PCDHGB4: variants seen among roughly 807,000 people sequenced by gnomAD.
The protein encoded by PCDHGB4 is protocadherin gamma subfamily B, 4, also known as protocadherin gamma-B4.
A neutral mutation model predicts 60.5 loss-of-function variants in PCDHGB4; 38 were observed. The observed-to-expected ratio is 0.63, with a 90% CI of 0.48 to 0.82. The LOEUF (loss-of-function observed/expected upper bound fraction) is 0.82, where lower values mean the gene tolerates loss of function less well. Among genes scored for constraint, PCDHGB4 ranks in the 40% least tolerant of loss-of-function variants. The pLI is 0.00. For synonymous variants in PCDHGB4, 456 were observed against 509.7 expected (o/e 0.89, Z 1.42); for missense variants, 1,109 against 1,209.6 (o/e 0.92, Z 1.23).
intron 1 of PCDHGB4, chr5:141,394,844 T>C (rs2093111751): frequency 6.2e-7 from 1 of 1,613,752 alleles, no homozygotes. Context: ...AGTTGGGCAG[T>C]CTGAAGCCTT....
intron 1 of PCDHGB4, chr5:141,407,873 A>G (rs561323423): frequency 2.0e-5 from 7 of 354,686 alleles, no homozygotes; most frequent in African/African-American, 1.3e-4. Context: ...CGAAGAATAT[A>G]TACATTTCGG....
Position 141,431,132 on chromosome 5 carries a change from G to A in PCDHGB4, c.2397+40851G>A. On this transcript the variant is annotated intron_variant, in intron 1 of 3. Coordinates refer to ENST00000519479, the MANE Select transcript of PCDHGB4 (RefSeq NM_003736.4). This position sits in a 1 kb window ranked among gnomAD's most constrained non-coding sequence, Gnocchi z 4.8. ...ATATGGAGTAGAAGTAGAAGTAAGGGACATTAACGACAATGCGCCTTACTT... is the reference window on the plus strand; with the variant it reads ...ATATGGAGTAGAAGTAGAAGTAAGGAACATTAACGACAATGCGCCTTACTT... 2 of 1,614,232 alleles carry A rather than the reference G, an allele frequency of 1.2e-6. No individual in the cohort carries two copies. The highest frequency in any genetic ancestry group is 8.5e-7 in the Non-Finnish European group (1 of 1,180,024).
At chr5:141,403,266 A>G in intron 1 of PCDHGB4, 11 of 1,613,858 alleles carry the variant, frequency 6.8e-6, no homozygotes, top group Non-Finnish European at 9.3e-6. Context: ...TGTCTGGTGA[A>G]CTTTAAAGTC....
intron 1 of PCDHGB4, among the ~76,000 whole-genome samples, chr5:141,430,388 A>G (rs2097280501): frequency 6.6e-6 from 1 of 152,106 alleles, no homozygotes; most frequent in Non-Finnish European, 1.5e-5. Flanking sequence ...ATTGGGAAAA[A>G]AAAAAAAAGC....
chr5:141,426,887 G>A (rs1309180455), intron 1 of PCDHGB4: 1 of 456,646 alleles, frequency 2.2e-6, no homozygotes, highest in Non-Finnish European at 4.4e-6. Context: ...TGGGCCAGGA[G>A]CAACAGAGCT....
chr5:141,387,761 A>C lies in PCDHGB4; in HGVS notation c.-124A>C, dbSNP rs539874780. The C allele has an allele frequency of 9.8e-5, 139 of 1,420,618 alleles. 1 individual carries two copies. The African/African-American group carries it at 1.7e-3, about 17-fold the overall frequency. The allele number at this position is 1,420,618 out of a possible 1,614,324, so 88.0% of individuals were successfully genotyped here. A position where few individuals can be genotyped will look rare whatever the true frequency, so the allele number is the denominator to read the frequency against. On this transcript the variant is annotated 5_prime_UTR_variant, in exon 1 of 4. Transcript: ENST00000519479. ...ACACCGCTTCCTCCTCGGAAAAAGA[A>C]GAATTTTTTCTTGAACTGGAACTGC...
chr5:141,432,569 C>T lies in PCDHGB4; in HGVS notation c.2397+42288C>T. The T allele has an allele frequency of 6.2e-7, 1 of 1,613,920 alleles. No homozygotes were observed. On this transcript the variant is annotated intron_variant, in intron 1 of 3. Coordinates refer to ENST00000519479, the MANE Select transcript of PCDHGB4 (RefSeq NM_003736.4). This position sits in a 1 kb window ranked among gnomAD's most constrained non-coding sequence, Gnocchi z 6.0. ...CAGAGACTCCGGCCAGAACGCCTGG[C>T]TGTCCTACCGTCTGCTCAAGGCCAG...
intron 3 of PCDHGB4, 152 bp from the exon 4 acceptor site, chr5:141,510,795 G>C (rs994874330): frequency 9.3e-5 from 136 of 1,465,100 alleles, no homozygotes; most frequent in Admixed American, 1.7e-4. Flanking sequence ...CTTGTGAAGA[G>C]AGACTACCTT....
intron 1 of PCDHGB4, chr5:141,419,137 CAG>C (rs1561778402): frequency 1.2e-6 from 2 of 1,613,892 alleles, no homozygotes; most frequent in South Asian, 1.1e-5. Context: ...CAGCCACAGA[CAG>C]GGGCAAGCCT....
intron 1 of PCDHGB4, chr5:141,419,005 C>G: frequency 6.2e-7 from 1 of 1,613,944 alleles, no homozygotes; most frequent in Non-Finnish European, 8.5e-7. Context: ...ATGGGGAAGT[C>G]AGGTGTAGCT....
intron 2 of PCDHGB4, among the ~76,000 whole-genome samples, chr5:141,497,552 T>C (rs2099777669): frequency 6.6e-6 from 1 of 151,386 alleles, no homozygotes; most frequent in Non-Finnish European, 1.5e-5. Context: ...TTTTTTTTTT[T>C]TTTTTTAGAC....
chr5:141,400,611 G>T (rs555600694), intron 1 of PCDHGB4: 1 of 1,573,002 alleles, frequency 6.4e-7, no homozygotes, highest in South Asian at 1.1e-5. Context: ...CAAGTCCAAT[G>T]AGTTGTCTTA....
At chr5:141,421,147 G>A in intron 1 of PCDHGB4, 1 of 1,019,036 alleles carries the variant, frequency 9.8e-7, no homozygotes, top group South Asian at 1.7e-5. Context: ...GGATGTAGTC[G>A]GCCTAGGACT....
At chr5:141,415,176 C>G (rs773987499) in intron 1 of PCDHGB4, 17 of 1,613,816 alleles carry the variant, frequency 1.1e-5, no homozygotes, top group Non-Finnish European at 5.1e-6. Flanking sequence ...TCACCGTGGC[C>G]GTGGCCGACA....
Position 141,414,630 on chromosome 5 carries a change from C to A in PCDHGB4, c.2397+24349C>A. On this transcript the variant is annotated intron_variant, in intron 1 of 3. Coordinates refer to ENST00000519479, the MANE Select transcript of PCDHGB4 (RefSeq NM_003736.4). ...CAGTGACAGCGCTGGACCCGGACAG[C>A]AAAGAGAATGCCCAGATTATTTACT... 2 of 1,613,980 alleles carry A rather than the reference C, an allele frequency of 1.2e-6. No individual in the cohort carries two copies. Among genetic ancestry groups the A allele is most frequent in the Non-Finnish European group, 1.7e-6 (2 of 1,179,892 alleles).
intron 1 of PCDHGB4, among the ~76,000 whole-genome samples, chr5:141,454,836 C>T (rs1201514890): frequency 1.3e-4 from 11 of 85,100 alleles, no homozygotes; most frequent in African/African-American, 2.1e-4. Context: ...GAGACAGAGT[C>T]GCGCTCTGTC....
Position 141,490,121 on chromosome 5 carries a change from G to A in PCDHGB4, c.2398-4686G>A. On this transcript the variant is annotated intron_variant, in intron 1 of 3. Coordinates refer to ENST00000519479, the MANE Select transcript of PCDHGB4 (RefSeq NM_003736.4). The surrounding 1 kb of genome is among the most constrained non-coding windows in gnomAD (Gnocchi z 5.4). Reference sequence around the variant, plus strand: ...TCTGAGGCAGTGCGGAACCTCTTTGGCCTAGACCCTAGCAGTGGGGCAATC... The same window carrying A: ...TCTGAGGCAGTGCGGAACCTCTTTGACCTAGACCCTAGCAGTGGGGCAATC... 1 of 1,614,256 alleles carries A rather than the reference G, an allele frequency of 6.2e-7. No individual in the cohort carries two copies. Among genetic ancestry groups the A allele is most frequent in the Non-Finnish European group, 8.5e-7 (1 of 1,180,052 alleles).
chr5:141,413,418 G>C (rs748857146), intron 1 of PCDHGB4: 1 of 1,614,084 alleles, frequency 6.2e-7, no homozygotes, highest in Admixed American at 1.7e-5. Context: ...TTTTCTCTCT[G>C]AACCCGCGCA....
chr5:141,510,984 C>G lies in PCDHGB4; in HGVS notation c.2583C>G (p.Ala861=). ...ADGSSTLGGG[A]GTMGLSARYG... ...GGAGCTCCACCCTGGGAGGGGGTGC[C>G]GGCACCATGGGATTGAGCGCCCGCT... The change falls in exon 4 of 4, where the codon GCC becomes GCG. Residue 861 remains alanine (A), a synonymous_variant. Transcript: ENST00000519479. The G allele has an allele frequency of 1.2e-6, 2 of 1,614,162 alleles. No homozygotes were observed. The highest frequency in any genetic ancestry group is 1.7e-6 in the Non-Finnish European group (2 of 1,180,012).
Sources: allele counts gnomAD v4.1 joint callset (sites outside exome capture counted in the v4.1 genomes callset), GRCh38; gene constraint gnomAD v4.1.1; non-coding constraint Gnocchi (gnomAD v3.1); transcripts MANE v1.5; gene names NCBI Gene and HGNC (gene_info 2026-07-23, HGNC 2026-07-21).